Variants in EOGT observed in about 807,000 individuals in gnomAD.
EOGT encodes EGF domain-specific O-linked N-acetylglucosamine transferase.
EOGT carries 55 observed loss-of-function variants against 70.5 expected under a neutral mutation model. The ratio of observed to expected loss-of-function variants is 0.78; its 90% CI spans 0.63 to 0.98. The LOEUF is 0.98. EOGT is among the 50% of genes least tolerant of loss of function. EOGT has a pLI of 0.00. For missense variants in EOGT, 703 were observed against 641.9 expected (o/e 1.10, Z -1.03); for synonymous variants, 246 against 217.1 (o/e 1.13, Z -1.17).
At chr3:68,978,209 C>A in intron 17 of EOGT, 124 bp downstream of exon 17, 3 of 717,378 alleles carry the variant, frequency 4.2e-6, no homozygotes, top group Non-Finnish European at 4.7e-6. Flanking sequence ...TAAAACAATT[C>A]AGTATTCCAG....
chr3:69,007,905 G>C, intron 5 of EOGT, 84 bp from the exon 6 acceptor site: 1 of 902,616 alleles, frequency 1.1e-6, no homozygotes, highest in South Asian at 1.7e-5. Flanking sequence ...TAAAATGCTA[G>C]AGGTTCCTTA....
intron 14 of EOGT, 31 bp from the exon 15 acceptor site, chr3:68,982,903 C>T: frequency 6.4e-7 from 1 of 1,558,930 alleles, no homozygotes; most frequent in Non-Finnish European, 8.7e-7. Context: ...TTTAGCATTT[C>T]TTTTCCTTCT....
At chr3:68,996,863 G>C (rs2091163329) in intron 10 of EOGT, among the ~76,000 whole-genome samples, 1 of 152,178 alleles carries the variant, frequency 6.6e-6, no homozygotes, top group South Asian at 2.1e-4. Flanking sequence ...TCCCAGTTTA[G>C]ACAGCCTCTC....
chr3:68,977,838 T>A (rs2090516211), intron 17 of EOGT, 74 bp from the exon 18 acceptor site: 1 of 1,465,422 alleles, frequency 6.8e-7, no homozygotes, highest in South Asian at 1.4e-5. Context: ...GAAAATTATG[T>A]TACTTTGGTT....
At chr3:68,982,779 G>A (rs2090686737) in intron 15 of EOGT, 32 bp downstream of exon 15, 4 of 1,543,986 alleles carry the variant, frequency 2.6e-6, no homozygotes, top group Non-Finnish European at 2.6e-6. Context: ...AGCAAAAGTT[G>A]ACAGTGTCTG....
chr3:69,004,588 A>G, intron 7 of EOGT, 106 bp from the exon 8 acceptor site: 1 of 712,524 alleles, frequency 1.4e-6, no homozygotes, highest in Non-Finnish European at 2.4e-6. Flanking sequence ...GAATTTTTTA[A>G]AAGAATTTAA....
At chr3:69,007,931 T>C in intron 5 of EOGT, 110 bp from the exon 6 acceptor site, 1 of 691,136 alleles carries the variant, frequency 1.4e-6, no homozygotes, top group South Asian at 2.1e-5. Flanking sequence ...TTAATTTTGT[T>C]ACAGTATATT....
chr3:68,995,131 C>T (rs1020319396), intron 10 of EOGT, among the ~76,000 whole-genome samples: 6 of 152,224 alleles, frequency 3.9e-5, no homozygotes, highest in African/African-American at 1.4e-4. Context: ...CCTGGGCAAA[C>T]TGCTCATCCA....
In EOGT at chr3:68,976,258, T is replaced by G. The variant is rs189155666; in HGVS notation, c.*1360A>C. The G allele has an allele frequency of 5.0e-3, 761 of 152,342 alleles. 11 individuals carry two copies. The highest frequency in any genetic ancestry group is 0.017 in the African/African-American group (726 of 41,576). 9.4% of individuals were successfully genotyped at this position (152,342 alleles called of 1,614,324 possible). On this transcript the variant is annotated 3_prime_UTR_variant, in exon 18 of 18. Transcript: ENST00000383701. ...TCTCTTCATGAGGCTAATTTGAAGTTTTTGAAATTAAAGACTGGAATACTT... is the reference window on the plus strand; with the variant it reads ...TCTCTTCATGAGGCTAATTTGAAGTGTTTGAAATTAAAGACTGGAATACTT...
At chr3:68,994,944 G>C (rs1466387382) in intron 10 of EOGT, among the ~76,000 whole-genome samples, 1 of 152,208 alleles carries the variant, frequency 6.6e-6, no homozygotes, top group East Asian at 1.9e-4. Flanking sequence ...GTCCCTCTAT[G>C]CATGTTTGCA....
intron 16 of EOGT, among the ~76,000 whole-genome samples, chr3:68,979,303 C>T (rs1246428584): frequency 6.6e-6 from 1 of 152,226 alleles, no homozygotes; most frequent in Non-Finnish European, 1.5e-5. Context: ...TGTTTTGAAG[C>T]TATGTCGTGC....
chr3:68,982,364 A>G (rs1224478409), intron 15 of EOGT, among the ~76,000 whole-genome samples: 1 of 151,962 alleles, frequency 6.6e-6, no homozygotes, highest in African/African-American at 2.4e-5. Flanking sequence ...TACAAAAAAT[A>G]CAAAAATTAG....
At chr3:68,991,233 T>C (rs145553177) in intron 10 of EOGT, among the ~76,000 whole-genome samples, 1 of 152,372 alleles carries the variant, frequency 6.6e-6, no homozygotes, top group East Asian at 1.9e-4. Flanking sequence ...GAGGCACTTC[T>C]TCCTATACTC....
chr3:69,012,813 A>G lies in EOGT; in HGVS notation c.-355-14T>C, dbSNP rs1454148984. 1 of 152,308 alleles carries G rather than the reference A, an allele frequency of 6.6e-6. No homozygotes were observed. Among genetic ancestry groups the G allele is most frequent in the Non-Finnish European group, 1.5e-5 (1 of 68,144 alleles). 9.4% of individuals were successfully genotyped at this position (152,308 alleles called of 1,614,324 possible). The stretch of plus-strand genomic sequence containing the variant: ...ATTTCCACAGGCCTAATGAGGAAGG[A>G]AAAAAGGGAAACATCTGAAAGATGA... On this transcript the variant is annotated splice_polypyrimidine_tract_variant and intron_variant, in intron 1 of 17. Transcript: ENST00000383701.
Position 69,009,701 on chromosome 3 carries a change from A to C in EOGT, c.146T>G (p.Phe49Cys). The C allele has an allele frequency of 1.2e-6, 2 of 1,614,094 alleles. No homozygotes were observed. The stretch of plus-strand genomic sequence containing the variant: ...AATATGCCTATTGTTGTGCAAAAAG[A>C]AGGGAATGTGCTCCTCTGGCAAGCG... ...SIRLPEEHIPFFLHNNRHIAT... is the reference protein window; with the variant it reads ...SIRLPEEHIPCFLHNNRHIAT... Residue 49 changes from phenylalanine (F) to cysteine (C), a missense_variant, in exon 4 of 18, where the codon TTC (phenylalanine) becomes TGC (cysteine). Transcript: ENST00000383701.
At chr3:68,994,866 T>C (rs181978835) in intron 10 of EOGT, among the ~76,000 whole-genome samples, 3 of 152,308 alleles carry the variant, frequency 2.0e-5, no homozygotes, top group South Asian at 2.1e-4. Flanking sequence ...CCTGCCGTAA[T>C]TTCTCCTTTT....
intron 14 of EOGT, 119 bp downstream of exon 14, chr3:68,987,326 A>G (rs1455028999): frequency 2.0e-5 from 16 of 793,960 alleles, no homozygotes; most frequent in Middle Eastern, 3.0e-4. Context: ...TAGGCCATCA[A>G]ACTTTTCTCA....
chr3:68,993,702 G>A (rs1008792424), intron 10 of EOGT, among the ~76,000 whole-genome samples: 5 of 152,172 alleles, frequency 3.3e-5, no homozygotes, highest in African/African-American at 1.2e-4. Flanking sequence ...TCAGTCTGCT[G>A]ATAAAGATAC....
chr3:68,996,281 C>T (rs1464044955), intron 10 of EOGT, among the ~76,000 whole-genome samples: 1 of 152,154 alleles, frequency 6.6e-6, no homozygotes, highest in Non-Finnish European at 1.5e-5. Context: ...ATCCTGAAAA[C>T]CTTTTTACAC....
Sources: gnomAD v4.1 joint callset for allele counts (sites outside exome capture counted in the v4.1 genomes callset) on GRCh38, gnomAD v4.1.1 for gene constraint, MANE v1.5 for transcripts, NCBI Gene and HGNC (gene_info 2026-07-23, HGNC 2026-07-21) for gene names.